The following MYO3A variants were observed in gnomAD, a reference collection of about 807,000 sequenced individuals.
MYO3A encodes the protein myosin IIIA.
In MYO3A, 180 loss-of-function variants were observed where a neutral mutation model predicts 192.7. The ratio of observed to expected loss-of-function variants is 0.93; its 90% CI spans 0.83 to 1.06. The LOEUF (loss-of-function observed/expected upper bound fraction) is 1.06, where lower values mean the gene tolerates loss of function less well. Ranked by LOEUF, MYO3A falls within the 50% of genes least tolerant of loss-of-function variation. The probability of loss-of-function intolerance (pLI) is 0.00; values close to 1 mark genes in which losing one functional copy is unlikely to be tolerated. For synonymous variants in MYO3A, 628 were observed against 645.3 expected (o/e 0.97, Z 0.41); for missense variants, 1,896 against 1,905.0 (o/e 1.00, Z 0.09).
At chr10:26,113,353 C>T (rs1345323940) in intron 17 of MYO3A, among the ~76,000 whole-genome samples, 1 of 151,788 alleles carries the variant, frequency 6.6e-6, no homozygotes, top group African/African-American at 2.4e-5. Flanking sequence ...ACCTATAATC[C>T]CAGCTACTCA....
At chr10:26,141,558 G>C (rs1253757843) in intron 20 of MYO3A, among the ~76,000 whole-genome samples, 3 of 152,128 alleles carry the variant, frequency 2.0e-5, no homozygotes, top group African/African-American at 7.2e-5. Context: ...AATGACAAAT[G>C]CATTAGTTTA....
intron 31 of MYO3A, among the ~76,000 whole-genome samples, chr10:26,192,286 A>G (rs951958466): frequency 1.3e-5 from 2 of 152,230 alleles, no homozygotes; most frequent in Non-Finnish European, 2.9e-5. Flanking sequence ...TTTTAATGTC[A>G]TATCTAAAAC....
At chr10:26,018,547 T>C (rs192972161) in intron 7 of MYO3A, among the ~76,000 whole-genome samples, 183 of 152,298 alleles carry the variant, frequency 1.2e-3, no homozygotes, top group African/African-American at 4.4e-3. Flanking sequence ...ACTTGAAAAG[T>C]GAAATTCTTG....
At chr10:25,939,905 T>A (rs1478192496) in intron 2 of MYO3A, among the ~76,000 whole-genome samples, 4 of 152,048 alleles carry the variant, frequency 2.6e-5, no homozygotes, top group African/African-American at 9.7e-5. Flanking sequence ...TGGGGTTCTG[T>A]TTTGAGTTTT....
chr10:25,996,651 G>T, intron 5 of MYO3A, 57 bp downstream of exon 5: 1 of 1,407,864 alleles, frequency 7.1e-7, no homozygotes, highest in Non-Finnish European at 1.0e-6. Context: ...GTTAAAAAAT[G>T]TAGATCCTAT....
intron 4 of MYO3A, among the ~76,000 whole-genome samples, chr10:25,971,803 T>TTG (rs748692312): frequency 1.3e-5 from 2 of 149,462 alleles, no homozygotes; most frequent in Non-Finnish European, 3.0e-5. Flanking sequence ...CTTTTTACTA[T>TTG]TGTGTGACTA....
rs756101460 is a variant in MYO3A at position 26,128,518 on chromosome 10, C to T, written c.2242C>T (p.His748Tyr). ...NEQIQYYYNQ[H>Y]VFAWEQNEYL... is the part of the protein sequence containing the mutation. ...ACAAATTCAGTATTATTATAATCAA[C>T]ATGTGTTTGCATGGGAACAGGTAAG... The change falls in exon 20 of 35, where the codon CAT (histidine) becomes TAT (tyrosine). Residue 748 changes from histidine (H) to tyrosine (Y), a missense_variant. Transcript: ENST00000642920. 2.5e-6 allele frequency: 4 copies of T among 1,611,408 alleles called. No homozygotes were observed. In the Admixed American group the frequency reaches 6.7e-5, roughly 27 times the overall value.
chr10:25,964,068 C>T (rs1187319600), intron 4 of MYO3A, among the ~76,000 whole-genome samples: 1 of 152,030 alleles, frequency 6.6e-6, no homozygotes, highest in Non-Finnish European at 1.5e-5. Context: ...TCTCTGTTAT[C>T]ATAGATTTAT....
chr10:25,964,809 T>C (rs1838160668), intron 4 of MYO3A, among the ~76,000 whole-genome samples: 1 of 152,222 alleles, frequency 6.6e-6, no homozygotes, highest in Non-Finnish European at 1.5e-5. Flanking sequence ...CTTCAACTTT[T>C]GTTTGTCTGG....
rs536056378 is a variant in MYO3A, at chr10:26,188,062, G to A, written c.4439-5143G>A. Among the ~76,000 whole-genome samples, 421 of 152,224 alleles carry A rather than the reference G, an allele frequency of 2.8e-3. 3 individuals carry two copies. The highest frequency in any genetic ancestry group is 9.7e-3 in the African/African-American group (404 of 41,516). The stretch of plus-strand genomic sequence containing the variant: ...TCTAGTTCTAGATCCCTGAGGATTC[G>A]CCACACTGACTTCCACAATGGTTGA... On this transcript the variant is annotated intron_variant, in intron 31 of 34. Transcript: ENST00000642920.
intron 6 of MYO3A, among the ~76,000 whole-genome samples, chr10:26,011,636 C>T (rs12261183): frequency 0.037 from 5,593 of 151,926 alleles, 380 homozygotes; most frequent in African/African-American, 0.13. Flanking sequence ...AAACTGTCAA[C>T]AAAAAAAGTC....
intron 31 of MYO3A, among the ~76,000 whole-genome samples, chr10:26,178,895 A>G (rs1347636442): frequency 2.0e-5 from 3 of 151,028 alleles, no homozygotes; most frequent in Non-Finnish European, 4.4e-5. Context: ...TCCGCCTCCC[A>G]GGTTCTCACC....
chr10:26,195,098 C>T (rs977095501), intron 32 of MYO3A, among the ~76,000 whole-genome samples: 2 of 152,208 alleles, frequency 1.3e-5, no homozygotes, highest in Non-Finnish European at 2.9e-5. Flanking sequence ...TCCCCACCCC[C>T]TGCCCCAAGC....
At chr10:26,071,160 G>GT (rs1835182634) in intron 14 of MYO3A, among the ~76,000 whole-genome samples, 1 of 152,076 alleles carries the variant, frequency 6.6e-6, no homozygotes, top group Non-Finnish European at 1.5e-5. Flanking sequence ...TTGCTGTAAA[G>GT]CTGCAATAGT....
chr10:26,066,393 TTTATC>T (rs1217267614), intron 10 of MYO3A, among the ~76,000 whole-genome samples: 1 of 152,188 alleles, frequency 6.6e-6, no homozygotes, highest in African/African-American at 2.4e-5. Context: ...AACCATTGTG[TTTATC>T]TCAGCAACTT....
chr10:26,104,090 G>T (rs552131801), intron 17 of MYO3A, among the ~76,000 whole-genome samples: 10 of 149,074 alleles, frequency 6.7e-5, no homozygotes, highest in African/African-American at 2.5e-4. Flanking sequence ...AGGTATACTA[G>T]CCCCTTATCA....
At chr10:26,143,395 A>C (rs1840277989) in intron 20 of MYO3A, 53 bp from the exon 21 acceptor site, 1 of 1,538,468 alleles carries the variant, frequency 6.5e-7, no homozygotes, top group African/African-American at 1.4e-5. Flanking sequence ...TTAGGTAATT[A>C]CTATGAAGCT....
intron 17 of MYO3A, among the ~76,000 whole-genome samples, chr10:26,097,253 T>C (rs1046451750): frequency 2.6e-5 from 4 of 152,152 alleles, no homozygotes; most frequent in African/African-American, 9.7e-5. Flanking sequence ...TTCTGGACAC[T>C]TTACATACAA....
chr10:26,199,284 G>A (rs1031956686), intron 32 of MYO3A, among the ~76,000 whole-genome samples: 3 of 152,138 alleles, frequency 2.0e-5, no homozygotes, highest in South Asian at 4.1e-4. Context: ...CACGCGCAGC[G>A]GCTCACACCT....
Sources: gnomAD v4.1 joint callset for allele counts (sites outside exome capture counted in the v4.1 genomes callset) on GRCh38, gnomAD v4.1.1 for gene constraint, MANE v1.5 for transcripts, NCBI Gene and HGNC (gene_info 2026-07-23, HGNC 2026-07-21) for gene names.